TLCD2: variants seen among roughly 807,000 people sequenced by gnomAD.
TLCD2 encodes the protein TLC domain containing 2.
TLCD2 carries 12 observed loss-of-function variants against 14.0 expected under a neutral mutation model. That is an observed-to-expected ratio of 0.86 (90% CI 0.55 to 1.39). The LOEUF is 1.39. TLCD2 is among the 40% of genes most tolerant of loss of function. TLCD2 has a pLI of 0.00. For synonymous variants in TLCD2, 166 were observed against 156.5 expected (o/e 1.06, Z -0.45); for missense variants, 360 against 346.8 (o/e 1.04, Z -0.30).
intron 1 of TLCD2, 66 bp from the exon 2 acceptor site, chr17:1,709,952 T>C (rs1914169879): frequency 1.3e-6 from 2 of 1,509,302 alleles, no homozygotes; most frequent in Non-Finnish European, 1.8e-6. Flanking sequence ...GGCCGCAGTC[T>C]CCCTGTGCGC....
At chr17:1,709,043 G>A (rs900337242) in intron 3 of TLCD2, among the ~76,000 whole-genome samples, 6 of 152,140 alleles carry the variant, frequency 3.9e-5, no homozygotes, top group Admixed American at 2.6e-4. Flanking sequence ...GCCTAAGACT[G>A]GGAGCCAAGC....
chr17:1,709,778 C>T (rs1410062628), intron 2 of TLCD2, 26 bp downstream of exon 2: 5 of 1,455,140 alleles, frequency 3.4e-6, no homozygotes, highest in South Asian at 1.2e-5. Flanking sequence ...TCCCCACCAC[C>T]GGCCCAGCCT....
At position 1,705,166 on chromosome 17, in the gene TLCD2, G is replaced by A. The variant is rs1913993512; in HGVS notation, c.*2604C>T. 6.6e-6 allele frequency: 1 copy of A among 152,232 alleles called. No homozygotes were observed. Among genetic ancestry groups the A allele is most frequent in the Non-Finnish European group, 1.5e-5 (1 of 68,130 alleles). 9.4% of individuals were successfully genotyped at this position (152,232 alleles called of 1,614,324 possible). On this transcript the variant is annotated 3_prime_UTR_variant, in exon 4 of 4. Transcript: ENST00000330676. ...CCGGTTACTGTCAGCCTGTCTTTAG[G>A]GTTTGCGCTGCAGCTGTTTGTCCTT...
chr17:1,710,143 G>A lies in TLCD2; in HGVS notation c.100C>T (p.Arg34Trp). 1 of 1,533,396 alleles carries A rather than the reference G, an allele frequency of 6.5e-7. No homozygotes were observed. Among genetic ancestry groups the A allele is most frequent in the Non-Finnish European group, 8.7e-7 (1 of 1,146,298 alleles). The allele number at this position is 1,533,396 out of a possible 1,614,324, so 95.0% of individuals were successfully genotyped here. A position where few individuals can be genotyped will look rare whatever the true frequency, so the allele number is the denominator to read the frequency against. The stretch of plus-strand genomic sequence containing the variant: ...AGGTTCCACCACTGCCAGCGGTCCC[G>A]AGCGGCCGATTCCGGCGTGGGCAGC... ...RRLPTPESAA[R>W]DRWQWWNLCV... The change falls in exon 1 of 4, where the codon CGG (arginine) becomes TGG (tryptophan). Residue 34 changes from arginine (R) to tryptophan (W), a missense_variant. Arg to Trp is a moderately radical substitution (Grantham distance 101). Coordinates refer to ENST00000330676, the MANE Select transcript of TLCD2 (RefSeq NM_001164407.2). The surrounding 1 kb of genome is among the most constrained non-coding windows in gnomAD (Gnocchi z 6.1).
rs367670882 is a variant in TLCD2, at chr17:1,707,396, G to C, written c.*374C>G. ...CCCATACCAGATCTCTCTGATCCTA[G>C]TGGGACTTCACCTTCCCCCATCTGT... On this transcript the variant is annotated 3_prime_UTR_variant, in exon 4 of 4. Transcript: ENST00000330676. 4.4e-6 allele frequency: 1 copy of C among 226,150 alleles called. No homozygotes were observed. Among genetic ancestry groups the C allele is most frequent in the East Asian group, 9.8e-5 (1 of 10,218 alleles). The allele number at this position is 226,150 out of a possible 1,614,324, so 14.0% of individuals were successfully genotyped here.
rs1024469714 is a variant in TLCD2 at position 1,707,096 on chromosome 17, G to C, written c.*674C>G. ...GCAGGACAATCACTTGAACCCAGGA[G>C]GCTGAGGTTGCAGTGAGCCGAAATC... On this transcript the variant is annotated 3_prime_UTR_variant, in exon 4 of 4. Transcript: ENST00000330676. The C allele has an allele frequency of 6.6e-6, 1 of 152,124 alleles. No individual in the cohort carries two copies. Among genetic ancestry groups the C allele is most frequent in the African/African-American group, 2.4e-5 (1 of 41,390 alleles). The allele number at this position is 152,124 out of a possible 1,614,324, so 9.4% of individuals were successfully genotyped here. A position where few individuals can be genotyped will look rare whatever the true frequency, so the allele number is the denominator to read the frequency against.
chr17:1,709,517 A>T lies in TLCD2; in HGVS notation c.324T>A (p.Leu108=), dbSNP rs1567706849. 6.5e-7 allele frequency: 1 copy of T among 1,536,888 alleles called. No homozygotes were observed. Among genetic ancestry groups the T allele is most frequent in the Admixed American group, 2.0e-5 (1 of 50,954 alleles). ...WNQTLGKTWD[L]LCHHLVVVSC... ...GTCTCACCACCAAATGATGACAGAG[A>T]AGATCCCAGGTCTTGCCCAAGGTCT... The change falls in exon 3 of 4, where the codon CTT becomes CTA. Residue 108 remains leucine (L), a synonymous_variant. Transcript: ENST00000330676.
Position 1,703,799 on chromosome 17 carries a change from T to C in TLCD2, c.*3971A>G, listed in dbSNP as rs1913946345. 1 of 152,210 alleles carries C rather than the reference T, an allele frequency of 6.6e-6. No individual in the cohort carries two copies. The highest frequency in any genetic ancestry group is 2.1e-4 in the South Asian group (1 of 4,832). 9.4% of individuals were successfully genotyped at this position (152,210 alleles called of 1,614,324 possible). On this transcript the variant is annotated 3_prime_UTR_variant, in exon 4 of 4. Transcript: ENST00000330676. ...TCAACCTCAACAGATATTTAAGGAA[T>C]AGATTCCTCACATGAGTTTGTCATA... is the stretch of plus-strand genomic sequence containing the variant.
chr17:1,709,869 T>C lies in TLCD2; in HGVS notation c.194A>G (p.Gln65Arg). The C allele has an allele frequency of 6.5e-7, 1 of 1,530,614 alleles. No individual in the cohort carries two copies. The highest frequency in any genetic ancestry group is 8.7e-7 in the Non-Finnish European group (1 of 1,143,134). The allele number at this position is 1,530,614 out of a possible 1,614,324, so 94.8% of individuals were successfully genotyped here. The stretch of plus-strand genomic sequence containing the variant: ...GCCATGGATGGGGTCGGCGGCCATC[T>C]GAGGGTACAGTGACAGGCTGGGGGC... ...GALLGLSLYP[Q>R]MAADPIHGHP... The change falls in exon 2 of 4, where the codon CAG (glutamine) becomes CGG (arginine). Residue 65 changes from glutamine to arginine, a missense_variant. Physicochemically the swap from Gln to Arg is conservative, Grantham distance 43. Coordinates refer to ENST00000330676, the MANE Select transcript of TLCD2 (RefSeq NM_001164407.2).
In TLCD2 at chr17:1,707,577, A is replaced by G. The variant is rs1166647328; in HGVS notation, c.*193T>C. ...GACGGATTTCAGTGAACAGAAACCC[A>G]GGTTCCCACCCATCCAACATCAGCA... On this transcript the variant is annotated 3_prime_UTR_variant, in exon 4 of 4. Transcript: ENST00000330676. 11 of 523,184 alleles carry G rather than the reference A, an allele frequency of 2.1e-5. No individual in the cohort carries two copies. The highest frequency in any genetic ancestry group is 3.3e-6 in the Non-Finnish European group (1 of 303,602). The allele number at this position is 523,184 out of a possible 1,614,324, so 32.4% of individuals were successfully genotyped here.
chr17:1,707,826 G>C lies in TLCD2; in HGVS notation c.739C>G (p.Arg247Gly). The change falls in exon 4 of 4, where the codon CGT becomes GGT. Residue 247 changes from arginine to glycine, a missense_variant. By Grantham distance (125) the Arg-to-Gly change is moderately radical. Transcript: ENST00000330676. ...GHEKTRGTRT[R>G]RDNGPVTSNS... ...CTGGTGACAGGTCCATTGTCACGAC[G>C]TGTCCTGGTCCCCCTGGTTTTCTCA... is the stretch of plus-strand genomic sequence containing the variant. The C allele has an allele frequency of 6.5e-7, 1 of 1,531,548 alleles. No homozygotes were observed. The highest frequency in any genetic ancestry group is 8.7e-7 in the Non-Finnish European group (1 of 1,143,616). The allele number at this position is 1,531,548 out of a possible 1,614,324, so 94.9% of individuals were successfully genotyped here.
At chr17:1,709,021 C>A (rs541382523) in intron 3 of TLCD2, among the ~76,000 whole-genome samples, 5 of 152,274 alleles carry the variant, frequency 3.3e-5, no homozygotes, top group East Asian at 3.9e-4. Flanking sequence ...GCCACCTCCT[C>A]CCCCTAACTC....
Position 1,710,136 on chromosome 17 carries a change from C to A in TLCD2, c.107G>T (p.Arg36Leu). The change falls in exon 1 of 4, where the codon CGC becomes CTC. Residue 36 changes from arginine to leucine, a missense_variant. Transcript: ENST00000330676. This position sits in a 1 kb window ranked among gnomAD's most constrained non-coding sequence, Gnocchi z 6.1. ...LPTPESAARD[R>L]WQWWNLCVSL... ...GACGCAGAGGTTCCACCACTGCCAG[C>A]GGTCCCGAGCGGCCGATTCCGGCGT... 1 of 1,533,268 alleles carries A rather than the reference C, an allele frequency of 6.5e-7. No homozygotes were observed. The highest frequency in any genetic ancestry group is 1.2e-5 in the South Asian group (1 of 83,944). 95.0% of individuals were successfully genotyped at this position (1,533,268 alleles called of 1,614,324 possible).
Position 1,710,251 on chromosome 17 carries a change from G to T in TLCD2, c.-9C>A, listed in dbSNP as rs1313535845. Reference sequence around the variant, plus strand: ...AGCCCCGTGGGCGCCATGGCCTGGCGGTTGGGGGGTTGCGGGGAGTCCGGG... The same window carrying T: ...AGCCCCGTGGGCGCCATGGCCTGGCTGTTGGGGGGTTGCGGGGAGTCCGGG... On this transcript the variant is annotated 5_prime_UTR_variant, in exon 1 of 4. Coordinates refer to ENST00000330676, the MANE Select transcript of TLCD2 (RefSeq NM_001164407.2). The surrounding 1 kb of genome is among the most constrained non-coding windows in gnomAD (Gnocchi z 6.1). 6.6e-7 allele frequency: 1 copy of T among 1,515,528 alleles called. No homozygotes were observed. 93.9% of individuals were successfully genotyped at this position (1,515,528 alleles called of 1,614,324 possible).
At chr17:1,709,649 C>A in intron 2 of TLCD2, 68 bp from the exon 3 acceptor site, 1 of 1,316,268 alleles carries the variant, frequency 7.6e-7, no homozygotes, top group Non-Finnish European at 1.1e-6. Context: ...TTTCCAGCCC[C>A]CCCGCCCCGC....
At position 1,707,377 on chromosome 17, in the gene TLCD2, C is replaced by G. The variant is rs1651090841; in HGVS notation, c.*393G>C. 2 of 202,256 alleles carry G rather than the reference C, an allele frequency of 9.9e-6. No individual in the cohort carries two copies. Among genetic ancestry groups the G allele is most frequent in the Non-Finnish European group, 9.9e-6 (1 of 100,590 alleles). 12.5% of individuals were successfully genotyped at this position (202,256 alleles called of 1,614,324 possible). On this transcript the variant is annotated 3_prime_UTR_variant, in exon 4 of 4. Transcript: ENST00000330676. The stretch of plus-strand genomic sequence containing the variant: ...TCTCTCTGTCCCCACCCGCCCCATA[C>G]CAGATCTCTCTGATCCTAGTGGGAC...
At chr17:1,709,761 C>T (rs1180687042) in intron 2 of TLCD2, 43 bp downstream of exon 2, 9 of 1,362,156 alleles carry the variant, frequency 6.6e-6, no homozygotes, top group South Asian at 6.2e-5. Flanking sequence ...ACCTGCCCCC[C>T]GCCCCATCCC....
rs1055816257 is a variant in TLCD2, at chr17:1,704,286, G to T, written c.*3484C>A. On this transcript the variant is annotated 3_prime_UTR_variant, in exon 4 of 4. Coordinates refer to ENST00000330676, the MANE Select transcript of TLCD2 (RefSeq NM_001164407.2). ...AGAAAATTTTTTTTTTTTGTAGAGA[G>T]GAGGTCTCAATATGTTGCCCAGACT... is the stretch of plus-strand genomic sequence containing the variant. 2.0e-5 allele frequency: 3 copies of T among 146,548 alleles called. No individual in the cohort carries two copies. The East Asian group carries it at 6.0e-4, about 29-fold the overall frequency. 9.1% of individuals were successfully genotyped at this position (146,548 alleles called of 1,614,324 possible).
rs935713338 is a variant in TLCD2 at position 1,703,113 on chromosome 17, C to G, written c.*4657G>C. Reference sequence around the variant, plus strand: ...GTCCTTTTTTTAGGGTCTTAATTGACCATTCTTCTTTGATTCACATCATCT... The same window carrying G: ...GTCCTTTTTTTAGGGTCTTAATTGAGCATTCTTCTTTGATTCACATCATCT... On this transcript the variant is annotated 3_prime_UTR_variant, in exon 4 of 4. Transcript: ENST00000330676. The G allele has an allele frequency of 6.6e-6, 1 of 151,984 alleles. No individual in the cohort carries two copies. Among genetic ancestry groups the G allele is most frequent in the Non-Finnish European group, 1.5e-5 (1 of 68,028 alleles). The allele number at this position is 151,984 out of a possible 1,614,324, so 9.4% of individuals were successfully genotyped here. A position where few individuals can be genotyped will look rare whatever the true frequency, so the allele number is the denominator to read the frequency against.
Sources: allele counts gnomAD v4.1 joint callset (sites outside exome capture counted in the v4.1 genomes callset), GRCh38; gene constraint gnomAD v4.1.1; non-coding constraint Gnocchi (gnomAD v3.1); transcripts MANE v1.5; gene names NCBI Gene and HGNC (gene_info 2026-07-23, HGNC 2026-07-21).